The following SHOX2 variants were observed in gnomAD, a reference collection of about 807,000 sequenced individuals.
SHOX2 encodes the protein SHOX homeobox 2, also known as short stature homeobox protein 2.
In SHOX2, 13 loss-of-function variants were observed where a neutral mutation model predicts 31.3. That is an observed-to-expected ratio of 0.42 (90% CI 0.27 to 0.66). The LOEUF (loss-of-function observed/expected upper bound fraction) is 0.66, where lower values mean the gene tolerates loss of function less well. SHOX2 is among the 30% of genes least tolerant of loss of function. The pLI is 0.27. For missense variants in SHOX2, 473 were observed against 443.0 expected (o/e 1.07, Z -0.61); for synonymous variants, 244 against 196.2 (o/e 1.24, Z -2.04).
Position 158,102,868 on chromosome 3 carries a change from T to A in SHOX2, c.365A>T (p.Asp122Val). The A allele has an allele frequency of 6.2e-7, 1 of 1,613,958 alleles. No homozygotes were observed. The highest frequency in any genetic ancestry group is 1.1e-5 in the South Asian group (1 of 91,074). Residue 122 changes from aspartate (D) to valine (V), a missense_variant, in exon 2 of 5, where the codon GAT (aspartate) becomes GTT (valine). Transcript: ENST00000483851. The stretch of plus-strand genomic sequence containing the variant: ...CATCCCTTTCGCATCCTCTTTGCGA[T>A]CTTTCAGCTCCGGGGACACTGGAGG... ...RLTEVSPELK[D>V]RKEDAKGMED...
At chr3:158,103,342 C>G (rs1713636056) in intron 1 of SHOX2, 3 of 227,772 alleles carry the variant, frequency 1.3e-5, no homozygotes, top group Non-Finnish European at 2.7e-5. Flanking sequence ...GCCTCTCACA[C>G]CGGCCATTCC....
rs780572817 is a variant in SHOX2, at chr3:158,098,269, G to C, written c.718C>G (p.Gln240Glu). The change falls in exon 5 of 5, where the codon CAG (glutamine) becomes GAG (glutamate). Residue 240 changes from glutamine to glutamate, a missense_variant. By Grantham distance (29) the Gln-to-Glu change is conservative. This residue lies in a region of SHOX2 where 182 missense variants were observed against 167.2 expected (regional missense o/e 1.09). Coordinates refer to ENST00000483851, the MANE Select transcript of SHOX2 (RefSeq NM_001163678.2). Reference sequence around the variant, plus strand: ...GCGTGCGCCACAGCGCTGTCCAGCTGCAGCTGCGCCTGAACCTGAAAGGAC... The same window carrying C: ...GCGTGCGCCACAGCGCTGTCCAGCTCCAGCTGCGCCTGAACCTGAAAGGAC... Reference protein sequence around the residue: ...MPFQQVQAQLQLDSAVAHAHH... With the variant: ...MPFQQVQAQLELDSAVAHAHH... The C allele has an allele frequency of 7.3e-5, 117 of 1,613,666 alleles. No homozygotes were observed. The highest frequency in any genetic ancestry group is 9.1e-5 in the Non-Finnish European group (107 of 1,179,852).
Position 158,105,732 on chromosome 3 carries a change from T to C in SHOX2, c.293A>G (p.Asp98Gly). ...CCTGCTTCTCTCGGCGGCGCCCATG[T>C]CCAGCTCCCGGACGGGAGAGCGCCC... ...GGGRSPVREL[D>G]MGAAERSREP... is the part of the protein sequence containing the mutation. Residue 98 changes from aspartate (D) to glycine (G), a missense_variant, in exon 1 of 5, where the codon GAC becomes GGC. Around this residue, in one of 3 missense-constraint regions of SHOX2, gnomAD observed 276 missense variants for 230.0 expected, o/e 1.20. Coordinates refer to ENST00000483851, the MANE Select transcript of SHOX2 (RefSeq NM_001163678.2). 1.3e-6 allele frequency: 2 copies of C among 1,525,166 alleles called. No individual in the cohort carries two copies. Among genetic ancestry groups the C allele is most frequent in the South Asian group, 1.2e-5 (1 of 82,916 alleles). 94.5% of individuals were successfully genotyped at this position (1,525,166 alleles called of 1,614,324 possible).
At chr3:158,105,102 A>G (rs1043710629) in intron 1 of SHOX2, 110 of 1,406,344 alleles carry the variant, frequency 7.8e-5, no homozygotes, top group Non-Finnish European at 1.0e-4. Context: ...CGTAGCCTGG[A>G]CCTCAGCTTT....
At chr3:158,101,230 T>C (rs571156495) in intron 2 of SHOX2, among the ~76,000 whole-genome samples, 1 of 152,348 alleles carries the variant, frequency 6.6e-6, no homozygotes, top group African/African-American at 2.4e-5. Context: ...GTAAAAATAC[T>C]GCTTCAGAGC....
At position 158,105,949 on chromosome 3, in the gene SHOX2, G is replaced by T. The variant is rs1713898681; in HGVS notation, c.76C>A (p.Arg26=). The change falls in exon 1 of 5, where the codon CGG becomes AGG. Residue 26 remains arginine (R), a synonymous_variant. Transcript: ENST00000483851. ...AGCGGCCCGCTCTCCAGCACCTCCCGGTACGTGATCGCCTCCTTCTTCTCC... is the reference window on the plus strand; with the variant it reads ...AGCGGCCCGCTCTCCAGCACCTCCCTGTACGTGATCGCCTCCTTCTTCTCC... The part of the protein sequence containing the change: ...VKEKKEAITY[R]EVLESGPLRG... The T allele has an allele frequency of 1.9e-6, 3 of 1,611,354 alleles. No homozygotes were observed. The highest frequency in any genetic ancestry group is 2.5e-6 in the Non-Finnish European group (3 of 1,179,066).
At position 158,097,999 on chromosome 3, in the gene SHOX2, A is replaced by G. The variant is rs138912749; in HGVS notation, c.*28T>C. 8.1e-3 allele frequency: 12,668 copies of G among 1,564,100 alleles called. 68 individuals are homozygous for G. The highest frequency in any genetic ancestry group is 0.013 in the Middle Eastern group (61 of 4,756). Reference sequence around the variant, plus strand: ...GCGTGCAGGCTGAGTGCCGCGGGACAGGCGCGACATTGGTGCTGGCGTTGG... The same window carrying G: ...GCGTGCAGGCTGAGTGCCGCGGGACGGGCGCGACATTGGTGCTGGCGTTGG... On this transcript the variant is annotated 3_prime_UTR_variant, in exon 5 of 5. Coordinates refer to ENST00000483851, the MANE Select transcript of SHOX2 (RefSeq NM_001163678.2).
rs1713230730 is a variant in SHOX2 at position 158,097,997 on chromosome 3, A to G, written c.*30T>C. The stretch of plus-strand genomic sequence containing the variant: ...GGGCGTGCAGGCTGAGTGCCGCGGG[A>G]CAGGCGCGACATTGGTGCTGGCGTT... On this transcript the variant is annotated 3_prime_UTR_variant, in exon 5 of 5. Transcript: ENST00000483851. 1 of 1,563,002 alleles carries G rather than the reference A, an allele frequency of 6.4e-7. No individual in the cohort carries two copies. Among genetic ancestry groups the G allele is most frequent in the Non-Finnish European group, 8.7e-7 (1 of 1,153,258 alleles).
intron 1 of SHOX2, chr3:158,105,026 CCCG>C: frequency 2.9e-6 from 1 of 344,580 alleles, no homozygotes; most frequent in Non-Finnish European, 5.4e-6. Context: ...CCCCACCTCC[CCCG>C]CCGCCCCCCC....
At position 158,099,939 on chromosome 3, in the gene SHOX2, A is replaced by G. The variant is rs1376537291; in HGVS notation, c.623T>C (p.Ile208Thr). The G allele has an allele frequency of 3.1e-6, 5 of 1,614,030 alleles. No individual in the cohort carries two copies. Among genetic ancestry groups the G allele is most frequent in the Admixed American group, 1.7e-5 (1 of 60,022 alleles). Residue 208 changes from isoleucine to threonine, a missense_variant, in exon 4 of 5, where the codon ATA becomes ACA. Physicochemically the swap from Ile to Thr is moderately conservative, Grantham distance 89 (BLOSUM62 -1). Coordinates refer to ENST00000483851, the MANE Select transcript of SHOX2 (RefSeq NM_001163678.2). ...AGCTTCAAACTGGCTGGCGGCCCCT[A>G]TGAGAACACCTGTAAAAAGTACAAG... The part of the protein sequence containing the change: ...QENQLHKGVL[I>T]GAASQFEACR...
chr3:158,102,852 C>T lies in SHOX2; in HGVS notation c.381G>A (p.Ala127=). 1 of 1,614,092 alleles carries T rather than the reference C, an allele frequency of 6.2e-7. No homozygotes were observed. Among genetic ancestry groups the T allele is most frequent in the Non-Finnish European group, 8.5e-7 (1 of 1,180,030 alleles). The part of the protein sequence containing the change: ...SPELKDRKED[A]KGMEDEGQTK... ...TCTGGCCTTCGTCCTCCATCCCTTT[C>T]GCATCCTCTTTGCGATCTTTCAGCT... The change falls in exon 2 of 5, where the codon GCG becomes GCA. Residue 127 remains alanine (A), a synonymous_variant. Coordinates refer to ENST00000483851, the MANE Select transcript of SHOX2 (RefSeq NM_001163678.2).
At chr3:158,098,569 C>A (rs1380245048) in intron 4 of SHOX2, among the ~76,000 whole-genome samples, 2 of 152,178 alleles carry the variant, frequency 1.3e-5, no homozygotes, top group African/African-American at 4.8e-5. Context: ...GGAATGTGGC[C>A]GTCTCCCCTG....
At position 158,098,295 on chromosome 3, in the gene SHOX2, A is replaced by C. The variant is rs1265618473; in HGVS notation, c.703-11T>G. On this transcript the variant is annotated splice_polypyrimidine_tract_variant and intron_variant, in intron 4 of 4. Transcript: ENST00000483851. ...CAGCTGCGCCTGAACCTGAAAGGAC[A>C]AGGGCGTCACGTTGCAATGACTATC... 1.2e-6 allele frequency: 2 copies of C among 1,612,404 alleles called. No homozygotes were observed. The highest frequency in any genetic ancestry group is 2.2e-5 in the East Asian group (1 of 44,838).
chr3:158,096,932 G>T lies in SHOX2; in HGVS notation c.*1095C>A, dbSNP rs61446480. 2 of 40,648 alleles carry T rather than the reference G, an allele frequency of 4.9e-5. No individual in the cohort carries two copies. Among genetic ancestry groups the T allele is most frequent in the Non-Finnish European group, 9.8e-5 (2 of 20,446 alleles). 2.5% of individuals were successfully genotyped at this position (40,648 alleles called of 1,614,324 possible). On this transcript the variant is annotated 3_prime_UTR_variant, in exon 5 of 5. Coordinates refer to ENST00000483851, the MANE Select transcript of SHOX2 (RefSeq NM_001163678.2). The stretch of plus-strand genomic sequence containing the variant: ...TATATATATATATATATATATATAT[G>T]GCAAATATATGATATATATATATGG...
intron 1 of SHOX2, 75 bp downstream of exon 1, chr3:158,105,604 G>T: frequency 7.3e-7 from 1 of 1,362,904 alleles, no homozygotes; most frequent in Non-Finnish European, 9.9e-7. Context: ...GCTGGGCCTC[G>T]GAGTCCTCTC....
At chr3:158,102,914 A>G (rs751324044) in intron 1 of SHOX2, 28 bp from the exon 2 acceptor site, 1 of 1,588,944 alleles carries the variant, frequency 6.3e-7, no homozygotes, top group Admixed American at 1.7e-5. Context: ...GCGGGGCCAC[A>G]CGTGCATCCA....
chr3:158,105,900 C>T lies in SHOX2; in HGVS notation c.125G>A (p.Gly42Asp), dbSNP rs781487687. The T allele has an allele frequency of 1.9e-6, 3 of 1,586,188 alleles. No homozygotes were observed. The East Asian group carries it at 7.4e-5, about 39-fold the overall frequency. The change falls in exon 1 of 5, where the codon GGC (glycine) becomes GAC (aspartate). Residue 42 changes from glycine to aspartate, a missense_variant. Physicochemically the swap from Gly to Asp is moderately conservative, Grantham distance 94. This residue lies in a region of SHOX2 where 276 missense variants were observed against 230.0 expected (regional missense o/e 1.20). Transcript: ENST00000483851. ...GTCGTCGCGGCCCGCCTCGGTGCAGCCGGTCGGCTCCTTGGCCCCGCGCAG... is the reference window on the plus strand; with the variant it reads ...GTCGTCGCGGCCCGCCTCGGTGCAGTCGGTCGGCTCCTTGGCCCCGCGCAG... ...GPLRGAKEPT[G>D]CTEAGRDDRS...
In SHOX2 at chr3:158,097,926, G is replaced by C; in HGVS notation, c.*101C>G. ...GGTCAGTGAGGCGGGAAGAGGGCCG[G>C]CTCCCGAGGTCTCAAAGGGGTAACG... On this transcript the variant is annotated 3_prime_UTR_variant, in exon 5 of 5. Transcript: ENST00000483851. 1 of 1,427,514 alleles carries C rather than the reference G, an allele frequency of 7.0e-7. No homozygotes were observed. The highest frequency in any genetic ancestry group is 9.4e-7 in the Non-Finnish European group (1 of 1,062,328). The allele number at this position is 1,427,514 out of a possible 1,614,324, so 88.4% of individuals were successfully genotyped here.
At chr3:158,105,392 C>T in intron 1 of SHOX2, 2 of 595,514 alleles carry the variant, frequency 3.4e-6, no homozygotes, top group South Asian at 4.1e-5. Flanking sequence ...CATCCTCCCG[C>T]TGGTGAAAAA....
Sources: gnomAD v4.1 joint callset for allele counts (sites outside exome capture counted in the v4.1 genomes callset) on GRCh38, gnomAD v4.1.1 for gene constraint, gnomAD v4.1.1 regional missense constraint, MANE v1.5 for transcripts, NCBI Gene and HGNC (gene_info 2026-07-23, HGNC 2026-07-21) for gene names.